Variants in CD96 observed in about 807,000 individuals in gnomAD.
The protein encoded by CD96 is CD96 molecule, also known as T-cell surface protein tactile.
Under a neutral mutation model 71.3 loss-of-function variants are expected in CD96, and 70 were observed. The observed-to-expected ratio is 0.98, with a 90% confidence interval of 0.81 to 1.20. CD96 has a LOEUF of 1.20. CD96 is among the 50% of genes most tolerant of loss of function. The pLI, the probability that CD96 is intolerant of heterozygous loss-of-function variation, is 0.00. For missense variants in CD96, 742 were observed against 677.5 expected, an observed-to-expected ratio of 1.10 and a Z score of -1.06; for synonymous variants, 248 against 233.0, an observed-to-expected ratio of 1.06 and a Z score of -0.59.
At chr3:111,615,006 G>A (rs1296507415) in intron 8 of CD96, among the ~76,000 whole-genome samples, 2 of 152,312 alleles carry the variant, frequency 1.3e-5, no homozygotes, top group East Asian at 3.9e-4. Flanking sequence ...GACCACCACT[G>A]ACAGGTCCCA....
At chr3:111,544,834 T>C (rs1934302455) in intron 1 of CD96, among the ~76,000 whole-genome samples, 1 of 152,192 alleles carries the variant, frequency 6.6e-6, no homozygotes, top group African/African-American at 2.4e-5. Flanking sequence ...AGTCAGTAAT[T>C]ACCTCTAGCT....
In CD96 at chr3:111,599,700, A is replaced by G. The variant is rs540833293; in HGVS notation, c.899-1026A>G. Among the ~76,000 whole-genome samples, 5 of 152,284 alleles carry G rather than the reference A, an allele frequency of 3.3e-5. No homozygotes were observed. In the South Asian group the frequency reaches 1.0e-3, roughly 32 times the overall value. On this transcript the variant is annotated intron_variant, in intron 6 of 13. Coordinates refer to ENST00000352690, the MANE Select transcript of CD96 (RefSeq NM_005816.5). ...TGCGCCATTGCACTCCAGCCTGGGC[A>G]ACAAGAGTGAAACCCTATCTCAAAA...
chr3:111,570,548 C>T (rs770106643), intron 3 of CD96: 4 of 1,283,174 alleles, frequency 3.1e-6, no homozygotes, highest in Non-Finnish European at 4.3e-6. Flanking sequence ...TGACAGTGGC[C>T]TGGCCAGACA....
intron 2 of CD96, among the ~76,000 whole-genome samples, chr3:111,561,944 A>C (rs1401688876): frequency 6.6e-6 from 1 of 151,260 alleles, no homozygotes; most frequent in African/African-American, 2.4e-5. Flanking sequence ...TGAAAAGCGC[A>C]ATATTCGGGT....
intron 8 of CD96, among the ~76,000 whole-genome samples, chr3:111,614,324 G>C (rs1209809607): frequency 1.3e-5 from 2 of 152,114 alleles, no homozygotes; most frequent in Non-Finnish European, 2.9e-5. Context: ...CCTCTTTATG[G>C]GGAATGGCGT....
At position 111,577,612 on chromosome 3, in the gene CD96, A is replaced by G; in HGVS notation, c.544-1415A>G. 4.9e-6 allele frequency: 5 copies of G among 1,023,570 alleles called. No individual in the cohort carries two copies. In the Admixed American group the frequency reaches 8.4e-5, roughly 17 times the overall value. 63.4% of individuals were successfully genotyped at this position (1,023,570 alleles called of 1,614,324 possible). A position where few individuals can be genotyped will look rare whatever the true frequency, so the allele number is the denominator to read the frequency against. On this transcript the variant is annotated intron_variant, in intron 3 of 13. Transcript: ENST00000352690. ...TATGATTATTTGCAGGCAATAACACAATACTATCTGTATGTAAGACTGACA... is the reference window on the plus strand; with the variant it reads ...TATGATTATTTGCAGGCAATAACACGATACTATCTGTATGTAAGACTGACA...
intron 9 of CD96, among the ~76,000 whole-genome samples, chr3:111,624,106 G>A (rs1938633239): frequency 6.6e-6 from 1 of 152,160 alleles, no homozygotes; most frequent in Admixed American, 6.5e-5. Context: ...AGTGATCTGA[G>A]TTTGTGACAA....
chr3:111,560,689 G>GT (rs1935344164), intron 2 of CD96, among the ~76,000 whole-genome samples: 1 of 47,824 alleles, frequency 2.1e-5, no homozygotes, highest in African/African-American at 9.8e-5. Context: ...TATGTGTCTT[G>GT]GAGTTGCTCT....
chr3:111,579,344 A>G, intron 4 of CD96, 110 bp downstream of exon 4: 1 of 766,910 alleles, frequency 1.3e-6, no homozygotes, highest in Admixed American at 1.8e-5. Flanking sequence ...TGTGGGTAAC[A>G]GTGCTGGAGT....
downstream of CD96, among the ~76,000 whole-genome samples, chr3:111,656,216 C>T (rs1252288592): frequency 6.6e-6 from 1 of 152,000 alleles, no homozygotes; most frequent in Non-Finnish European, 1.5e-5. Context: ...ACAAATAATT[C>T]ACACACAAAA....
At chr3:111,633,505 T>TA (rs920423098) in intron 10 of CD96, among the ~76,000 whole-genome samples, 8 of 152,058 alleles carry the variant, frequency 5.3e-5, no homozygotes, top group East Asian at 1.9e-4. Flanking sequence ...CTACAATTTG[T>TA]AAAAAAATAA....
chr3:111,600,680 A>C (rs781256634), intron 6 of CD96, 46 bp from the exon 7 acceptor site: 2 of 1,377,988 alleles, frequency 1.5e-6, no homozygotes, highest in East Asian at 2.3e-5. Flanking sequence ...TGTATGGCTC[A>C]TACATAAAAT....
At chr3:111,580,477 A>T (rs191708345) in intron 4 of CD96, among the ~76,000 whole-genome samples, 37 of 152,196 alleles carry the variant, frequency 2.4e-4, no homozygotes, top group African/African-American at 8.7e-4. Flanking sequence ...TTATTTTTGA[A>T]AATGAGATAA....
chr3:111,545,220 G>A lies in CD96; in HGVS notation c.236G>A (p.Cys79Tyr), dbSNP rs1934329186. The A allele has an allele frequency of 3.1e-6, 5 of 1,614,078 alleles. No homozygotes were observed. The highest frequency in any genetic ancestry group is 4.2e-6 in the Non-Finnish European group (5 of 1,180,036). Residue 79 changes from cysteine to tyrosine, a missense_variant, in exon 2 of 14, where the codon TGT becomes TAT. By Grantham distance (194) the Cys-to-Tyr change is radical. Transcript: ENST00000352690. ...AVYHPQYGFY[C>Y]AYGRPCESLV... ...TATCATCCCCAATACGGCTTCTACTGTGCCTATGGGAGACCCTGTGAGTCA... is the reference window on the plus strand; with the variant it reads ...TATCATCCCCAATACGGCTTCTACTATGCCTATGGGAGACCCTGTGAGTCA...
intron 14 of CD96, among the ~76,000 whole-genome samples, chr3:111,658,920 AG>A (rs1940292652): frequency 6.6e-6 from 1 of 152,148 alleles, no homozygotes; most frequent in African/African-American, 2.4e-5. Context: ...GTTAGGGAAA[AG>A]CCCCTCCTCC....
chr3:111,547,803 G>A (rs1934489541), intron 2 of CD96, among the ~76,000 whole-genome samples: 1 of 152,132 alleles, frequency 6.6e-6, no homozygotes, highest in African/African-American at 2.4e-5. Flanking sequence ...TAGAGAAATG[G>A]TTCTGGTATT....
intron 2 of CD96, among the ~76,000 whole-genome samples, chr3:111,559,045 G>C (rs181284418): frequency 1.2e-3 from 187 of 152,262 alleles, no homozygotes; most frequent in African/African-American, 4.4e-3. Context: ...TGTGGGAAAG[G>C]TGGTGATATC....
At chr3:111,570,599 A>C in intron 3 of CD96, 3 of 1,544,598 alleles carry the variant, frequency 1.9e-6, no homozygotes, top group Non-Finnish European at 2.7e-6. Flanking sequence ...CTAAGGGATC[A>C]ACAGGTGAGA....
intron 2 of CD96, among the ~76,000 whole-genome samples, chr3:111,562,361 T>G (rs1935493224): frequency 6.6e-6 from 1 of 152,148 alleles, no homozygotes; most frequent in African/African-American, 2.4e-5. Flanking sequence ...AATTTTGTGT[T>G]GAAAACTGGA....
Sources: allele counts gnomAD v4.1 joint callset (sites outside exome capture counted in the v4.1 genomes callset), GRCh38; gene constraint gnomAD v4.1.1; transcripts MANE v1.5; gene names NCBI Gene and HGNC (gene_info 2026-07-23, HGNC 2026-07-21).